The following OR4C6 variants were observed in gnomAD, a reference collection of about 807,000 sequenced individuals.
OR4C6 encodes olfactory receptor 4C6.
A neutral mutation model predicts 13.9 loss-of-function variants in OR4C6; 20 were observed. The observed-to-expected ratio is 1.43, with a 90% CI of 1.01 to 2.08. The LOEUF (loss-of-function observed/expected upper bound fraction) is 2.08, where lower values mean the gene tolerates loss of function less well. Among genes scored for constraint, OR4C6 ranks in the 30% most tolerant of loss-of-function variants. OR4C6 has a pLI of 0.00. For missense variants in OR4C6, 555 were observed against 381.2 expected, an observed-to-expected ratio of 1.46 and a Z score of -3.80; for synonymous variants, 193 against 141.5, an observed-to-expected ratio of 1.36 and a Z score of -2.58.
chr11:55,665,794 C>T lies in OR4C6; in HGVS notation c.628C>T (p.Leu210Phe). ...NSGMMCVAIF[L>F]ILIASYTVIL... Reference sequence around the variant, plus strand: ...TGGGATGATGTGTGTGGCCATCTTTCTTATCTTAATTGCGTCCTACACGGT... The same window carrying T: ...TGGGATGATGTGTGTGGCCATCTTTTTTATCTTAATTGCGTCCTACACGGT... Residue 210 changes from leucine (L) to phenylalanine (F), a missense_variant, in exon 2 of 2, where the codon CTT becomes TTT. Leu to Phe is a conservative substitution (Grantham distance 22, BLOSUM62 0). Coordinates refer to ENST00000314259, the MANE Select transcript of OR4C6 (RefSeq NM_001004704.2). 6.2e-7 allele frequency: 1 copy of T among 1,613,958 alleles called. No homozygotes were observed. Among genetic ancestry groups the T allele is most frequent in the Non-Finnish European group, 8.5e-7 (1 of 1,180,024 alleles).
rs747197480 is a variant in OR4C6 at position 55,665,489 on chromosome 11, T to C, written c.323T>C (p.Val108Ala). Residue 108 changes from valine (V) to alanine (A), a missense_variant, in exon 2 of 2, where the codon GTG (valine) becomes GCG (alanine). Physicochemically the swap from Val to Ala is moderately conservative, Grantham distance 64. Transcript: ENST00000314259. ...QLFVEHFFGG[V>A]GIILLTVMAY... Reference sequence around the variant, plus strand: ...TTTGTGGAGCATTTCTTTGGTGGTGTGGGGATCATCCTCCTCACTGTGATG... The same window carrying C: ...TTTGTGGAGCATTTCTTTGGTGGTGCGGGGATCATCCTCCTCACTGTGATG... 15 of 1,613,712 alleles carry C rather than the reference T, an allele frequency of 9.3e-6. No homozygotes were observed. Among genetic ancestry groups the C allele is most frequent in the Non-Finnish European group, 1.3e-5 (15 of 1,179,990 alleles).
rs756160912 is a variant in OR4C6 at position 55,665,923 on chromosome 11, A to T, written c.757A>T (p.Ile253Phe). 3 of 1,613,720 alleles carry T rather than the reference A, an allele frequency of 1.9e-6. No individual in the cohort carries two copies. The East Asian group carries it at 6.7e-5, about 36-fold the overall frequency. The change falls in exon 2 of 2, where the codon ATT (isoleucine) becomes TTT (phenylalanine). Residue 253 changes from isoleucine to phenylalanine, a missense_variant. By Grantham distance (21) the Ile-to-Phe change is conservative. Coordinates refer to ENST00000314259, the MANE Select transcript of OR4C6 (RefSeq NM_001004704.2). ...TVVVLFFVPCIFLYMRPVVTH... is the reference protein window; with the variant it reads ...TVVVLFFVPCFFLYMRPVVTH... ...GGTTGTATTGTTCTTTGTCCCCTGTATTTTCTTGTACATGAGGCCTGTGGT... is the reference window on the plus strand; with the variant it reads ...GGTTGTATTGTTCTTTGTCCCCTGTTTTTTCTTGTACATGAGGCCTGTGGT...
chr11:55,665,057 C>T, intron 1 of OR4C6, 68 bp from the exon 2 acceptor site: 1 of 678,174 alleles, frequency 1.5e-6, no homozygotes, highest in Middle Eastern at 2.5e-4. Context: ...AGAACAAATT[C>T]CCTGAGGTCC....
Position 55,665,292 on chromosome 11 carries a change from T to TA in OR4C6, c.127dup (p.Ile43AsnfsTer77). ...TAGCCACAGTGCTGGAAAATCTACT[T>TA]ATTGTGGTAACTATTATCACAAGTC... On this transcript the variant is annotated frameshift_variant, in exon 2 of 2. Coordinates refer to ENST00000314259, the MANE Select transcript of OR4C6 (RefSeq NM_001004704.2). LOFTEE classifies it high-confidence loss of function. 6.2e-7 allele frequency: 1 copy of TA among 1,612,770 alleles called. No homozygotes were observed.
chr11:55,665,093 C>CCA, intron 1 of OR4C6, 32 bp from the exon 2 acceptor site: 1 of 937,324 alleles, frequency 1.1e-6, no homozygotes, highest in Non-Finnish European at 1.6e-6. Flanking sequence ...CCAAATTAGT[C>CCA]ACTAATTATA....
At chr11:55,665,050 A>G (rs1858718596) in intron 1 of OR4C6, 75 bp from the exon 2 acceptor site, 1 of 660,724 alleles carries the variant, frequency 1.5e-6, no homozygotes, top group South Asian at 1.9e-5. Context: ...AAAACAAAGA[A>G]CAAATTCCCT....
Position 55,665,576 on chromosome 11 carries a change from G to C in OR4C6, c.410G>C (p.Arg137Pro), listed in dbSNP as rs759529017. 1 of 1,613,754 alleles carries C rather than the reference G, an allele frequency of 6.2e-7. No individual in the cohort carries two copies. Among genetic ancestry groups the C allele is most frequent in the African/African-American group, 1.3e-5 (1 of 74,740 alleles). Residue 137 changes from arginine (R) to proline (P), a missense_variant, in exon 2 of 2, where the codon CGG becomes CCG. Arg to Pro is a moderately radical substitution (Grantham distance 103). Transcript: ENST00000314259. ...PLHYTIIMSP[R>P]VCCLMVGGAW... ...CACTACACGATCATCATGAGTCCACGGGTGTGCTGCCTAATGGTAGGAGGG... is the reference window on the plus strand; with the variant it reads ...CACTACACGATCATCATGAGTCCACCGGTGTGCTGCCTAATGGTAGGAGGG...
At position 55,665,123 on chromosome 11, in the gene OR4C6, A is replaced by G; in HGVS notation, c.-42-2A>G. 1 of 1,198,074 alleles carries G rather than the reference A, an allele frequency of 8.3e-7. No homozygotes were observed. Among genetic ancestry groups the G allele is most frequent in the Non-Finnish European group, 1.2e-6 (1 of 833,818 alleles). 74.2% of individuals were successfully genotyped at this position (1,198,074 alleles called of 1,614,324 possible). A position where few individuals can be genotyped will look rare whatever the true frequency, so the allele number is the denominator to read the frequency against. ...ATTATAAATCATATCTTGCTTATTT[A>G]GGATTCTCAACTCTCAGCTGGAACT... On this transcript the variant is annotated splice_acceptor_variant, in intron 1 of 1. Transcript: ENST00000314259. LOFTEE classifies it low-confidence loss of function (5UTR_SPLICE).
chr11:55,665,333 C>T lies in OR4C6; in HGVS notation c.167C>T (p.Pro56Leu), dbSNP rs749363147. ...ATCACAAGTCAGAGTCTGAGGTCAC[C>T]TATGTATTTTTTTCTTACCTTCTTG... ...TIITSQSLRS[P>L]MYFFLTFLSL... Residue 56 changes from proline (P) to leucine (L), a missense_variant, in exon 2 of 2, where the codon CCT becomes CTT. Pro to Leu is a moderately conservative substitution (Grantham distance 98). Transcript: ENST00000314259. The T allele has an allele frequency of 6.2e-7, 1 of 1,613,692 alleles. No individual in the cohort carries two copies.
chr11:55,665,829 C>G lies in OR4C6; in HGVS notation c.663C>G (p.Cys221Trp), dbSNP rs773479464. 3 of 1,613,810 alleles carry G rather than the reference C, an allele frequency of 1.9e-6. No homozygotes were observed. The highest frequency in any genetic ancestry group is 2.5e-6 in the Non-Finnish European group (3 of 1,180,018). ...ILIASYTVIL[C>W]SLKSYSSKGR... ...TTGCGTCCTACACGGTCATCCTATG[C>G]TCCCTGAAGTCTTACAGCTCTAAAG... Residue 221 changes from cysteine (C) to tryptophan (W), a missense_variant, in exon 2 of 2, where the codon TGC becomes TGG. By Grantham distance (215) the Cys-to-Trp change is radical. Transcript: ENST00000314259.
Position 55,665,739 on chromosome 11 carries a change from C to T in OR4C6, c.573C>T (p.His191=), listed in dbSNP as rs762109098. The change falls in exon 2 of 2, where the codon CAC becomes CAT. Residue 191 remains histidine, a synonymous_variant. Coordinates refer to ENST00000314259, the MANE Select transcript of OR4C6 (RefSeq NM_001004704.2). ...QLLTLACTDT[H]ILGLLVTLNS... The stretch of plus-strand genomic sequence containing the variant: ...TGACACTTGCCTGCACGGACACCCA[C>T]ATCCTGGGCCTCTTAGTTACCCTCA... 19 of 1,613,956 alleles carry T rather than the reference C, an allele frequency of 1.2e-5. No individual in the cohort carries two copies. The highest frequency in any genetic ancestry group is 3.3e-4 in the Middle Eastern group (2 of 6,058).
rs752684872 is a variant in OR4C6 at position 55,665,147 on chromosome 11, C to T, written c.-20C>T. 2.7e-6 allele frequency: 4 copies of T among 1,487,848 alleles called. No individual in the cohort carries two copies. The highest frequency in any genetic ancestry group is 3.6e-5 in the Admixed American group (2 of 56,336). 92.2% of individuals were successfully genotyped at this position (1,487,848 alleles called of 1,614,324 possible). ...TAGGATTCTCAACTCTCAGCTGGAA[C>T]TCATATCAACACCTGAGAAATGGAA... On this transcript the variant is annotated 5_prime_UTR_variant, in exon 2 of 2. Coordinates refer to ENST00000314259, the MANE Select transcript of OR4C6 (RefSeq NM_001004704.2).
In OR4C6 at chr11:55,665,308, A is replaced by G. The variant is rs778390022; in HGVS notation, c.142A>G (p.Ile48Val). 2.5e-6 allele frequency: 4 copies of G among 1,613,624 alleles called. No individual in the cohort carries two copies. Among genetic ancestry groups the G allele is most frequent in the Non-Finnish European group, 3.4e-6 (4 of 1,179,696 alleles). ...LENLLIVVTI[I>V]TSQSLRSPMY... ...AAATCTACTTATTGTGGTAACTATT[A>G]TCACAAGTCAGAGTCTGAGGTCACC... is the stretch of plus-strand genomic sequence containing the variant. The change falls in exon 2 of 2, where the codon ATC (isoleucine) becomes GTC (valine). Residue 48 changes from isoleucine to valine, a missense_variant. Transcript: ENST00000314259.
At chr11:55,663,456 T>A (rs2134329160) in intron 1 of OR4C6, among the ~76,000 whole-genome samples, 2 of 137,912 alleles carry the variant, frequency 1.5e-5, no homozygotes, top group South Asian at 4.8e-4. Flanking sequence ...TCTAAGGAAA[T>A]CCTACCCAGA....
rs200362274 is a variant in OR4C6, at chr11:55,665,492, G to T, written c.326G>T (p.Gly109Val). 45 of 1,613,668 alleles carry T rather than the reference G, an allele frequency of 2.8e-5. No homozygotes were observed. The highest frequency in any genetic ancestry group is 2.2e-4 in the Admixed American group (13 of 59,938). ...GTGGAGCATTTCTTTGGTGGTGTGGGGATCATCCTCCTCACTGTGATGGCC... is the reference window on the plus strand; with the variant it reads ...GTGGAGCATTTCTTTGGTGGTGTGGTGATCATCCTCCTCACTGTGATGGCC... The part of the protein sequence containing the change: ...LFVEHFFGGV[G>V]IILLTVMAYD... Residue 109 changes from glycine to valine, a missense_variant, in exon 2 of 2, where the codon GGG becomes GTG. By Grantham distance (109) the Gly-to-Val change is moderately radical (BLOSUM62 -3). Coordinates refer to ENST00000314259, the MANE Select transcript of OR4C6 (RefSeq NM_001004704.2).
Position 55,665,201 on chromosome 11 carries a change from T to C in OR4C6, c.35T>C (p.Leu12Pro), listed in dbSNP as rs1858721267. ...ENQNNVTEFI[L>P]LGLTENLELW... ...CAAAACAATGTGACTGAATTCATTC[T>C]TCTGGGTCTCACAGAGAACCTGGAG... The change falls in exon 2 of 2, where the codon CTT becomes CCT. Residue 12 changes from leucine to proline, a missense_variant. Leu to Pro is a moderately conservative substitution (Grantham distance 98, BLOSUM62 -3). Coordinates refer to ENST00000314259, the MANE Select transcript of OR4C6 (RefSeq NM_001004704.2). The C allele has an allele frequency of 6.2e-7, 1 of 1,612,910 alleles. No individual in the cohort carries two copies. The highest frequency in any genetic ancestry group is 2.2e-5 in the East Asian group (1 of 44,874).
chr11:55,665,264 A>G lies in OR4C6; in HGVS notation c.98A>G (p.Tyr33Cys), dbSNP rs139319800. 224 of 1,612,402 alleles carry G rather than the reference A, an allele frequency of 1.4e-4. No homozygotes were observed. The highest frequency in any genetic ancestry group is 2.0e-4 in the Admixed American group (12 of 60,006). ...TTTTCTGCTGTGTTTCTTGTCATGT[A>G]TGTAGCCACAGTGCTGGAAAATCTA... ...KIFSAVFLVM[Y>C]VATVLENLLI... Residue 33 changes from tyrosine (Y) to cysteine (C), a missense_variant, in exon 2 of 2, where the codon TAT becomes TGT. By Grantham distance (194) the Tyr-to-Cys change is radical. Coordinates refer to ENST00000314259, the MANE Select transcript of OR4C6 (RefSeq NM_001004704.2).
Position 55,665,987 on chromosome 11 carries a change from C to T in OR4C6, c.821C>T (p.Ser274Leu), listed in dbSNP as rs2134332467. The T allele has an allele frequency of 6.2e-7, 1 of 1,613,384 alleles. No homozygotes were observed. ...PIDKAMAVSD[S>L]IITPMLNPLI... is the part of the protein sequence containing the mutation. ...GACAAGGCAATGGCTGTGTCAGACT[C>T]AATCATCACACCCATGTTAAATCCC... is the stretch of plus-strand genomic sequence containing the variant. The change falls in exon 2 of 2, where the codon TCA becomes TTA. Residue 274 changes from serine to leucine, a missense_variant. Physicochemically the swap from Ser to Leu is moderately radical, Grantham distance 145 (BLOSUM62 -2). Coordinates refer to ENST00000314259, the MANE Select transcript of OR4C6 (RefSeq NM_001004704.2).
chr11:55,666,056 A>G lies in OR4C6; in HGVS notation c.890A>G (p.Lys297Arg). 1 of 1,613,504 alleles carries G rather than the reference A, an allele frequency of 6.2e-7. No homozygotes were observed. The highest frequency in any genetic ancestry group is 8.5e-7 in the Non-Finnish European group (1 of 1,179,798). The change falls in exon 2 of 2, where the codon AAG becomes AGG. Residue 297 changes from lysine to arginine, a missense_variant. Lys to Arg is a conservative substitution (Grantham distance 26). Transcript: ENST00000314259. The part of the protein sequence containing the change: ...LRNAEVKSAM[K>R]KLWMKWEALA... ...AATGCAGAGGTGAAAAGTGCCATGA[A>G]GAAACTCTGGATGAAATGGGAGGCT...
Sources: gnomAD v4.1 joint callset for allele counts (sites outside exome capture counted in the v4.1 genomes callset) on GRCh38, gnomAD v4.1.1 for gene constraint, MANE v1.5 for transcripts, NCBI Gene and HGNC (gene_info 2026-07-23, HGNC 2026-07-21) for gene names.